The following TTC17 variants were observed in gnomAD, a reference collection of about 807,000 sequenced individuals.
TTC17 encodes tetratricopeptide repeat protein 17.
TTC17 carries 58 observed loss-of-function variants against 143.8 expected under a neutral mutation model. The ratio of observed to expected loss-of-function variants is 0.40; its 90% CI spans 0.33 to 0.50. TTC17 has a LOEUF of 0.50. Among genes scored for constraint, TTC17 ranks in the 20% least tolerant of loss-of-function variants. The pLI, the probability that TTC17 is intolerant of heterozygous loss-of-function variation, is 0.49. For missense variants in TTC17, 1,273 were observed against 1,392.5 expected (o/e 0.91, Z 1.37); for synonymous variants, 501 against 497.8 (o/e 1.01, Z -0.09).
chr11:43,420,662 A>G (rs1758270570), intron 16 of TTC17, among the ~76,000 whole-genome samples: 1 of 152,196 alleles, frequency 6.6e-6, no homozygotes, highest in African/African-American at 2.4e-5. Flanking sequence ...TGGTTTTTAT[A>G]AGAACTTAGA....
At chr11:43,389,393 C>A (rs73549436) in intron 2 of TTC17, among the ~76,000 whole-genome samples, 1 of 152,094 alleles carries the variant, frequency 6.6e-6, no homozygotes, top group Non-Finnish European at 1.5e-5. Context: ...AGATGTGCTT[C>A]GTGGGTAGTC....
At chr11:43,436,624 T>G (rs568247572) in intron 16 of TTC17, among the ~76,000 whole-genome samples, 36 of 152,210 alleles carry the variant, frequency 2.4e-4, no homozygotes, top group Non-Finnish European at 2.2e-4. Flanking sequence ...AAGTTGCTTT[T>G]ACATTAAACC....
rs149337963 is a variant in TTC17 at position 43,458,650 on chromosome 11, G to A, written c.3030+7385G>A. On this transcript the variant is annotated intron_variant, in intron 21 of 23. Coordinates refer to ENST00000039989, the MANE Select transcript of TTC17 (RefSeq NM_018259.6). ...ACATGCAAAATGACACCCACCCCAA[G>A]AACCCCACAGTCCCATCCAATTATG... Among the ~76,000 whole-genome samples, 317 of 152,146 alleles carry A rather than the reference G, an allele frequency of 2.1e-3. 2 individuals carry two copies. The highest frequency in any genetic ancestry group is 7.4e-3 in the African/African-American group (306 of 41,526).
At chr11:43,360,441 T>C (rs1856054604) in intron 1 of TTC17, among the ~76,000 whole-genome samples, 1 of 152,202 alleles carries the variant, frequency 6.6e-6, no homozygotes. Context: ...CTTCCACCCT[T>C]CTTTTGTTTC....
At chr11:43,481,643 A>G (rs1564983490) in intron 21 of TTC17, among the ~76,000 whole-genome samples, 1 of 152,004 alleles carries the variant, frequency 6.6e-6, no homozygotes, top group Non-Finnish European at 1.5e-5. Context: ...TTTCATCTAA[A>G]TTGTTTATTG....
intron 23 of TTC17, 146 bp downstream of exon 23, chr11:43,492,309 G>A: frequency 8.9e-7 from 1 of 1,125,628 alleles, no homozygotes; most frequent in Non-Finnish European, 1.2e-6. Context: ...TATATTTTAT[G>A]GATAAGGGTT....
At chr11:43,386,936 A>G (rs1033702442) in intron 2 of TTC17, among the ~76,000 whole-genome samples, 7 of 152,088 alleles carry the variant, frequency 4.6e-5, no homozygotes, top group African/African-American at 7.2e-5. Flanking sequence ...ACAGGCAAGC[A>G]CCACCATCAT....
chr11:43,414,020 A>G (rs1057255551), intron 15 of TTC17, among the ~76,000 whole-genome samples: 8 of 152,236 alleles, frequency 5.3e-5, no homozygotes, highest in Admixed American at 2.0e-4. Context: ...ATAATAGACG[A>G]AAGTGGAAAT....
At chr11:43,398,181 G>A (rs761563664) in intron 8 of TTC17, 68 bp downstream of exon 8, 7 of 1,564,166 alleles carry the variant, frequency 4.5e-6, no homozygotes, top group Non-Finnish European at 6.1e-6. Context: ...CTGTGTAGGG[G>A]ATATCAGTGT....
intron 21 of TTC17, among the ~76,000 whole-genome samples, chr11:43,460,102 T>C (rs1394877011): frequency 5.3e-5 from 8 of 151,098 alleles, no homozygotes; most frequent in Non-Finnish European, 1.5e-5. Flanking sequence ...GTTAACACCC[T>C]GGATTTTTTT....
At chr11:43,467,639 T>A (rs1305003163) in intron 21 of TTC17, among the ~76,000 whole-genome samples, 1 of 152,200 alleles carries the variant, frequency 6.6e-6, no homozygotes, top group Non-Finnish European at 1.5e-5. Context: ...TTAGAATGGT[T>A]AAGATAAATT....
In TTC17 at chr11:43,450,231, A is replaced by G. The variant is rs753155863; in HGVS notation, c.2936A>G (p.Gln979Arg). 1.2e-6 allele frequency: 2 copies of G among 1,613,424 alleles called. No individual in the cohort carries two copies. Among genetic ancestry groups the G allele is most frequent in the Admixed American group, 1.7e-5 (1 of 59,898 alleles). ...RASLHYTGES[Q>R]LTEVLQNLGK... is the part of the protein sequence containing the mutation. ...AGCCTGCACTACACAGGGGAGAGTC[A>G]GTTAACAGAGGTGAGTGCTCGGCTT... The change falls in exon 20 of 24, where the codon CAG becomes CGG. Residue 979 changes from glutamine to arginine, a missense_variant. Gln to Arg is a conservative substitution (Grantham distance 43). Transcript: ENST00000039989.
At chr11:43,403,929 TGA>T (rs1428376497) in intron 10 of TTC17, 67 bp from the exon 11 acceptor site, 26 of 1,359,386 alleles carry the variant, frequency 1.9e-5, no homozygotes, top group Non-Finnish European at 2.5e-5. Flanking sequence ...TTTTTTGGTG[TGA>T]GTTAAATTAT....
chr11:43,392,322 AAAAG>A (rs1590345329), intron 5 of TTC17, among the ~76,000 whole-genome samples: 2 of 152,324 alleles, frequency 1.3e-5, no homozygotes, highest in Admixed American at 6.5e-5. Flanking sequence ...CTGAGACAGA[AAAAG>A]AATCACCACC....
rs1564987302 is a variant in TTC17, at chr11:43,490,320, C to T, written c.3112C>T (p.Leu1038Phe). Residue 1038 changes from leucine (L) to phenylalanine (F), a missense_variant, in exon 22 of 24, where the codon CTC becomes TTC. Around this residue, in one of 3 missense-constraint regions of TTC17, gnomAD observed 878 missense variants for 899.8 expected, o/e 0.98. Coordinates refer to ENST00000039989, the MANE Select transcript of TTC17 (RefSeq NM_018259.6). The stretch of plus-strand genomic sequence containing the variant: ...CCAAGGAAAGAAGGCAATCGACTGC[C>T]TCCGCCAGGCTCTGCACTATGCGCC... ...KGQGKKAIDC[L>F]RQALHYAPHQ... The T allele has an allele frequency of 1.9e-6, 3 of 1,612,740 alleles. No homozygotes were observed. Among genetic ancestry groups the T allele is most frequent in the African/African-American group, 1.3e-5 (1 of 74,936 alleles).
chr11:43,457,528 G>C (rs965033577), intron 21 of TTC17, among the ~76,000 whole-genome samples: 1 of 152,038 alleles, frequency 6.6e-6, no homozygotes, highest in African/African-American at 2.4e-5. Flanking sequence ...ATTATACTCA[G>C]TGGACAAGGA....
chr11:43,381,463 C>G (rs762319367), intron 2 of TTC17, among the ~76,000 whole-genome samples: 38 of 152,246 alleles, frequency 2.5e-4, no homozygotes, highest in Admixed American at 4.6e-4. Flanking sequence ...GATGTAGGAA[C>G]AGAACGAGGC....
At chr11:43,404,999 G>T (rs1481993558) in intron 11 of TTC17, among the ~76,000 whole-genome samples, 1 of 151,836 alleles carries the variant, frequency 6.6e-6, no homozygotes, top group African/African-American at 2.4e-5. Flanking sequence ...AAGAAAATGT[G>T]CCTGTTACTA....
intron 17 of TTC17, 65 bp downstream of exon 17, chr11:43,443,649 A>G (rs1482457851): frequency 3.2e-6 from 5 of 1,538,538 alleles, no homozygotes; most frequent in Non-Finnish European, 4.4e-6. Context: ...CCTAATATGC[A>G]AAGTGGGAAG....
Sources: gnomAD v4.1 joint callset for allele counts (sites outside exome capture counted in the v4.1 genomes callset) on GRCh38, gnomAD v4.1.1 for gene constraint, gnomAD v4.1.1 regional missense constraint, MANE v1.5 for transcripts, NCBI Gene and HGNC (gene_info 2026-07-23, HGNC 2026-07-21) for gene names.